RYR2: variants seen among roughly 807,000 people sequenced by gnomAD.
RYR2 encodes the protein ryanodine receptor 2, also known as cardiac muscle ryanodine receptor-calcium release channel.
In RYR2, 227 loss-of-function variants were observed where a neutral mutation model predicts 601.1. That is an observed-to-expected ratio of 0.38 (90% CI 0.34 to 0.42). The LOEUF (loss-of-function observed/expected upper bound fraction) is 0.42. Ranked by LOEUF, RYR2 falls within the 10% of genes least tolerant of loss-of-function variation. The probability of loss-of-function intolerance (pLI) is 1.00; values close to 1 mark genes in which losing one functional copy is unlikely to be tolerated. For synonymous variants in RYR2, 2,223 were observed against 2,175.1 expected (o/e 1.02, Z -0.61); for missense variants, 4,646 against 6,156.5 (o/e 0.75, Z 8.21).
chr1:237,723,911 A>G (rs781484675), intron 74 of RYR2, among the ~76,000 whole-genome samples: 1 of 152,034 alleles, frequency 6.6e-6, no homozygotes, highest in African/African-American at 2.4e-5. Flanking sequence ...TTGAAACATT[A>G]TCAATGGGAG....
chr1:237,728,624 G>A (rs891617993), intron 76 of RYR2, among the ~76,000 whole-genome samples: 4 of 152,042 alleles, frequency 2.6e-5, no homozygotes, highest in Non-Finnish European at 5.9e-5. Context: ...ATGAGTTCAT[G>A]TCCCTTGCAG....
At chr1:237,794,310 G>T (rs1032151753) in intron 95 of RYR2, among the ~76,000 whole-genome samples, 7 of 130,442 alleles carry the variant, frequency 5.4e-5, no homozygotes, top group Non-Finnish European at 1.1e-4. Context: ...TGCAGGCAGG[G>T]TTATCTCATC....
chr1:237,788,508 T>C (rs1657929827), intron 92 of RYR2, among the ~76,000 whole-genome samples: 1 of 152,206 alleles, frequency 6.6e-6, no homozygotes, highest in African/African-American at 2.4e-5. Context: ...AATTCAAAAA[T>C]GTTCCAGAAC....
intron 1 of RYR2, among the ~76,000 whole-genome samples, chr1:237,146,535 G>A (rs1258486519): frequency 6.6e-6 from 1 of 152,138 alleles, no homozygotes; most frequent in African/African-American, 2.4e-5. Context: ...TTTGCAGGAT[G>A]CGCTCCTTCT....
chr1:237,733,880 C>T lies in RYR2; in HGVS notation c.11091+124C>T, dbSNP rs16835670. 1,255 of 704,092 alleles carry T rather than the reference C, an allele frequency of 1.8e-3. 17 individuals are homozygous for T. In the African/African-American group the frequency reaches 0.021, roughly 12 times the overall value. 43.6% of individuals were successfully genotyped at this position (704,092 alleles called of 1,614,324 possible). A position where few individuals can be genotyped will look rare whatever the true frequency, so the allele number is the denominator to read the frequency against. On this transcript the variant is annotated intron_variant, in intron 79 of 104. Coordinates refer to ENST00000366574, the MANE Select transcript of RYR2 (RefSeq NM_001035.3). ...ACTTTTTGTTTGTAGCATGAATCTC[C>T]GTTCTAAATTCCATGGCAGGTCATC...
At chr1:237,116,686 T>C (rs571838846) in intron 1 of RYR2, among the ~76,000 whole-genome samples, 6 of 152,160 alleles carry the variant, frequency 3.9e-5, no homozygotes, top group South Asian at 4.2e-4. Context: ...AATAATTCAG[T>C]TGGAGTCTGA....
At chr1:237,660,651 C>G (rs1683695605) in intron 55 of RYR2, among the ~76,000 whole-genome samples, 159 bp from the exon 56 acceptor site, 1 of 152,186 alleles carries the variant, frequency 6.6e-6, no homozygotes, top group Non-Finnish European at 1.5e-5. Flanking sequence ...TGCTCACACT[C>G]TGCTTTTCAG....
intron 1 of RYR2, among the ~76,000 whole-genome samples, chr1:237,132,909 C>T (rs116704749): frequency 6.6e-6 from 1 of 151,968 alleles, no homozygotes; most frequent in African/African-American, 2.4e-5. Context: ...TCACTGGTCC[C>T]ACTTAATGCA....
intron 24 of RYR2, among the ~76,000 whole-genome samples, chr1:237,529,845 C>T (rs1424958570): frequency 2.7e-5 from 4 of 150,772 alleles, no homozygotes; most frequent in Non-Finnish European, 5.9e-5. Context: ...AGCAGGATAT[C>T]GAAGAATTGT....
At chr1:237,818,006 C>T (rs1008019060) in intron 100 of RYR2, among the ~76,000 whole-genome samples, 6 of 152,022 alleles carry the variant, frequency 3.9e-5, no homozygotes, top group Non-Finnish European at 5.9e-5. Context: ...GGAGAATGTA[C>T]GAGCAAAGAT....
chr1:237,734,954 G>A (rs1275199387), intron 79 of RYR2, among the ~76,000 whole-genome samples: 2 of 152,172 alleles, frequency 1.3e-5, no homozygotes, highest in Admixed American at 6.5e-5. Flanking sequence ...ACAGCATGAG[G>A]AGAGGAGGAG....
At chr1:237,779,629 C>A (rs999374739) in intron 88 of RYR2, among the ~76,000 whole-genome samples, 1 of 152,140 alleles carries the variant, frequency 6.6e-6, no homozygotes, top group Admixed American at 6.5e-5. Context: ...CTCAGGCCTG[C>A]AAATGACAAT....
intron 27 of RYR2, among the ~76,000 whole-genome samples, chr1:237,565,794 A>C (rs186037605): frequency 1.3e-5 from 2 of 152,258 alleles, no homozygotes. Context: ...TTACCTTCTC[A>C]TCGTCGTTCT....
chr1:237,196,868 A>G (rs972536718), intron 1 of RYR2, among the ~76,000 whole-genome samples: 2 of 152,160 alleles, frequency 1.3e-5, no homozygotes, highest in Non-Finnish European at 2.9e-5. Context: ...GCAGTTCATA[A>G]CTTTATAATA....
At chr1:237,703,046 G>A (rs779795300) in intron 66 of RYR2, among the ~76,000 whole-genome samples, 12 of 151,814 alleles carry the variant, frequency 7.9e-5, no homozygotes, top group Non-Finnish European at 1.8e-4. Flanking sequence ...CATGTTGGCT[G>A]TTTTCTGTTT....
At position 237,707,148 on chromosome 1, in the gene RYR2, G is replaced by A; in HGVS notation, c.9780G>A (p.Arg3260=). The change falls in exon 68 of 105, where the codon CGG becomes CGA. Residue 3260 remains arginine (R), a synonymous_variant. Coordinates refer to ENST00000366574, the MANE Select transcript of RYR2 (RefSeq NM_001035.3). ...WEHGPENNPE[R]AEMCCTALNS... ...ATGGACCTGAGAACAATCCAGAACG[G>A]GCCGAGATGTGCTGCACAGCCCTGA... 6.2e-7 allele frequency: 1 copy of A among 1,613,720 alleles called. No homozygotes were observed. Among genetic ancestry groups the A allele is most frequent in the Non-Finnish European group, 8.5e-7 (1 of 1,179,784 alleles).
intron 56 of RYR2, among the ~76,000 whole-genome samples, chr1:237,664,064 A>G (rs1684060132): frequency 6.6e-6 from 1 of 152,222 alleles, no homozygotes; most frequent in Non-Finnish European, 1.5e-5. Flanking sequence ...ACAGGTTTTC[A>G]ACAATTATTT....
intron 84 of RYR2, 47 bp from the exon 85 acceptor site, chr1:237,770,760 C>A: frequency 8.2e-7 from 1 of 1,226,054 alleles, no homozygotes; most frequent in Non-Finnish European, 1.2e-6. Flanking sequence ...AAGGGAGCGG[C>A]AGGCTGGGGT....
At chr1:237,732,970 G>A (rs1165746641) in intron 78 of RYR2, among the ~76,000 whole-genome samples, 1 of 152,144 alleles carries the variant, frequency 6.6e-6, no homozygotes, top group Non-Finnish European at 1.5e-5. Flanking sequence ...CCATAATAAT[G>A]TACATTTCTC....
Sources: allele counts gnomAD v4.1 joint callset (sites outside exome capture counted in the v4.1 genomes callset), GRCh38; gene constraint gnomAD v4.1.1; transcripts MANE v1.5; gene names NCBI Gene and HGNC (gene_info 2026-07-23, HGNC 2026-07-21).